Variants in SEMA3D observed in about 807,000 individuals in gnomAD.
SEMA3D encodes the protein semaphorin-3D.
Under a neutral mutation model 100.1 loss-of-function variants are expected in SEMA3D, and 84 were observed. The observed-to-expected ratio is 0.84, with a 90% CI of 0.70 to 1.01. The LOEUF is 1.01. Ranked by LOEUF, SEMA3D falls within the 50% of genes least tolerant of loss-of-function variation. The pLI is 0.00. For synonymous variants in SEMA3D, 312 were observed against 320.7 expected, an observed-to-expected ratio of 0.97 and a Z score of 0.29; for missense variants, 875 against 934.1, an observed-to-expected ratio of 0.94 and a Z score of 0.82.
intron 1 of SEMA3D, among the ~76,000 whole-genome samples, chr7:85,184,596 C>T (rs935757948): frequency 6.6e-6 from 1 of 152,002 alleles, no homozygotes; most frequent in Non-Finnish European, 1.5e-5. Flanking sequence ...GCACCTGAAA[C>T]ACAATAGGTG....
intron 2 of SEMA3D, among the ~76,000 whole-genome samples, chr7:85,147,234 C>T (rs1215297525): frequency 6.6e-6 from 1 of 151,160 alleles, no homozygotes; most frequent in African/African-American, 2.4e-5. Flanking sequence ...TCCTGAGTAG[C>T]TGGCATTACA....
chr7:85,042,087 A>G (rs1790880211), intron 10 of SEMA3D, 84 bp downstream of exon 10: 1 of 970,514 alleles, frequency 1.0e-6, no homozygotes, highest in South Asian at 1.3e-5. Context: ...TTAATCAGGC[A>G]TTTGGAGCCA....
chr7:85,003,886 AAT>A (rs1329705019), intron 18 of SEMA3D, among the ~76,000 whole-genome samples: 2 of 152,114 alleles, frequency 1.3e-5, no homozygotes, highest in African/African-American at 4.8e-5. Flanking sequence ...AACAGACACT[AAT>A]ACAGTGATTT....
chr7:85,166,941 C>T (rs570207649), intron 1 of SEMA3D, among the ~76,000 whole-genome samples: 27 of 151,888 alleles, frequency 1.8e-4, no homozygotes, highest in Non-Finnish European at 3.4e-4. Flanking sequence ...GCCAAAGCAA[C>T]TGATCAGAAC....
intron 12 of SEMA3D, among the ~76,000 whole-genome samples, chr7:85,036,488 T>C (rs993946976): frequency 1.3e-5 from 2 of 152,168 alleles, no homozygotes; most frequent in East Asian, 3.9e-4. Flanking sequence ...CATTATGATG[T>C]GTTCTTTTCA....
At chr7:85,168,877 G>T (rs866777806) in intron 1 of SEMA3D, among the ~76,000 whole-genome samples, 3 of 129,266 alleles carry the variant, frequency 2.3e-5, no homozygotes, top group Non-Finnish European at 5.1e-5. Context: ...AAGAAAGAAA[G>T]AAAAGAAAGA....
chr7:85,217,790 G>A, the SEMA3D span, among the ~76,000 whole-genome samples: 1 of 151,972 alleles, frequency 6.6e-6, no homozygotes, highest in African/African-American at 2.4e-5. Flanking sequence ...TTTATACATG[G>A]AGATAATCGC....
At chr7:85,045,518 A>G (rs1562795471) in intron 9 of SEMA3D, among the ~76,000 whole-genome samples, 2 of 151,930 alleles carry the variant, frequency 1.3e-5, no homozygotes, top group African/African-American at 2.4e-5. Flanking sequence ...TATGAGTATC[A>G]TTGTTAAGAA....
chr7:85,203,793 A>G, the SEMA3D span, among the ~76,000 whole-genome samples: 1 of 152,086 alleles, frequency 6.6e-6, no homozygotes, highest in East Asian at 1.9e-4. Flanking sequence ...AGATTGAGCT[A>G]GAGAAATACA....
the SEMA3D span, among the ~76,000 whole-genome samples, chr7:85,209,382 T>A: frequency 6.6e-6 from 1 of 152,076 alleles, no homozygotes; most frequent in African/African-American, 2.4e-5. Flanking sequence ...CATTATAGTT[T>A]ACATACACAA....
At chr7:85,231,531 A>G in the SEMA3D span, among the ~76,000 whole-genome samples, 1 of 145,940 alleles carries the variant, frequency 6.9e-6, no homozygotes, top group Non-Finnish European at 1.5e-5. Context: ...GCTCACTGCA[A>G]GCTCCGCCTC....
At chr7:85,194,770 TC>T in the SEMA3D span, among the ~76,000 whole-genome samples, 6 of 152,188 alleles carry the variant, frequency 3.9e-5, no homozygotes, top group African/African-American at 1.4e-4. Context: ...AAGTCAAAGA[TC>T]AAGGTATCAT....
the SEMA3D span, among the ~76,000 whole-genome samples, chr7:85,227,436 G>A: frequency 6.6e-6 from 1 of 152,088 alleles, no homozygotes; most frequent in African/African-American, 2.4e-5. Context: ...TTTCTAACAT[G>A]TGAGGGCACA....
Position 85,152,467 on chromosome 7 carries a change from C to T in SEMA3D, c.-41+1141G>A, listed in dbSNP as rs149555885. Among the ~76,000 whole-genome samples the T allele has an allele frequency of 2.5e-3, 383 of 152,154 alleles. 6 individuals carry two copies. The highest frequency in any genetic ancestry group is 0.018 in the Admixed American group (280 of 15,250). ...TTTGTGGAAGAAGACAAGTTAACTA[C>T]GATGAAAGTGATCTCAGGCTAAGTG... is the stretch of plus-strand genomic sequence containing the variant. On this transcript the variant is annotated intron_variant, in intron 2 of 18. Transcript: ENST00000284136.
At chr7:85,018,413 A>G (rs972326040) in intron 14 of SEMA3D, 120 bp from the exon 15 acceptor site, 37 of 659,496 alleles carry the variant, frequency 5.6e-5, no homozygotes, top group Non-Finnish European at 7.6e-5. Flanking sequence ...CTGTTACATA[A>G]GGAAATAAAG....
intron 4 of SEMA3D, among the ~76,000 whole-genome samples, chr7:85,095,951 G>A (rs964138049): frequency 6.6e-6 from 1 of 151,936 alleles, no homozygotes; most frequent in African/African-American, 2.4e-5. Context: ...TTTATTTTAA[G>A]CAATGATCTA....
chr7:85,037,133 T>A, intron 11 of SEMA3D, 100 bp from the exon 12 acceptor site: 2 of 1,165,486 alleles, frequency 1.7e-6, no homozygotes, highest in Non-Finnish European at 2.4e-6. Flanking sequence ...AAAATTTACT[T>A]AGCACATTAA....
At chr7:85,120,298 G>A (rs149761968) in intron 3 of SEMA3D, among the ~76,000 whole-genome samples, 2 of 152,180 alleles carry the variant, frequency 1.3e-5, no homozygotes, top group African/African-American at 4.8e-5. Flanking sequence ...TTGAAACTAA[G>A]ATAATTTTAG....
intron 4 of SEMA3D, among the ~76,000 whole-genome samples, chr7:85,087,796 T>C (rs1788270586): frequency 6.6e-6 from 1 of 152,160 alleles, no homozygotes; most frequent in Non-Finnish European, 1.5e-5. Context: ...AGGATTAATT[T>C]TTTCATGCTA....
Sources: gnomAD v4.1 joint callset for allele counts (sites outside exome capture counted in the v4.1 genomes callset) on GRCh38, gnomAD v4.1.1 for gene constraint, MANE v1.5 for transcripts, NCBI Gene and HGNC (gene_info 2026-07-23, HGNC 2026-07-21) for gene names.